HTT: variants seen among roughly 807,000 people sequenced by gnomAD.
HTT encodes the protein huntington disease protein.
Under a neutral mutation model 362.3 loss-of-function variants are expected in HTT, and 104 were observed. The observed-to-expected ratio is 0.29, with a 90% CI of 0.24 to 0.34. HTT has a LOEUF of 0.34. Ranked by LOEUF, HTT falls within the 10% of genes least tolerant of loss-of-function variation. The probability of loss-of-function intolerance (pLI) is 1.00; values close to 1 mark genes in which losing one functional copy is unlikely to be tolerated. For synonymous variants in HTT, 1,577 were observed against 1,548.7 expected, an observed-to-expected ratio of 1.02 and a Z score of -0.43; for missense variants, 3,301 against 3,928.6, an observed-to-expected ratio of 0.84 and a Z score of 4.27.
Position 3,148,033 on chromosome 4 carries a change from A to G in HTT, c.3324A>G (p.Ser1108=). The change falls in exon 26 of 67, where the codon TCA becomes TCG. Residue 1108 remains serine (S), a synonymous_variant. Coordinates refer to ENST00000355072, the MANE Select transcript of HTT (RefSeq NM_001388492.1). The part of the protein sequence containing the change: ...AASAPKSLRS[S]WASEEEANPA... ...GTGCTCCCAAATCTCTGAGAAGTTCATGGGCCTCTGAAGAAGAAGCCAACC... is the reference window on the plus strand; with the variant it reads ...GTGCTCCCAAATCTCTGAGAAGTTCGTGGGCCTCTGAAGAAGAAGCCAACC... The G allele has an allele frequency of 1.9e-6, 3 of 1,613,980 alleles. No homozygotes were observed. The highest frequency in any genetic ancestry group is 2.5e-6 in the Non-Finnish European group (3 of 1,179,924).
chr4:3,131,679 C>G lies in HTT; in HGVS notation c.2140C>G (p.Leu714Val), dbSNP rs762835319. The G allele has an allele frequency of 3.7e-6, 6 of 1,614,022 alleles. No homozygotes were observed. The highest frequency in any genetic ancestry group is 5.1e-6 in the Non-Finnish European group (6 of 1,179,954). ...DRDVRVSVKA[L>V]ALSCVGAAVA... is the part of the protein sequence containing the mutation. Reference sequence around the variant, plus strand: ...GGATGTGAGGGTCAGCGTGAAGGCCCTGGCCCTCAGCTGTGTGGGAGCAGC... The same window carrying G: ...GGATGTGAGGGTCAGCGTGAAGGCCGTGGCCCTCAGCTGTGTGGGAGCAGC... Residue 714 changes from leucine to valine, a missense_variant, in exon 16 of 67, where the codon CTG becomes GTG. This residue lies in a region of HTT where 2,316 missense variants were observed against 2,658.5 expected (regional missense o/e 0.87). Transcript: ENST00000355072.
intron 59 of HTT, among the ~76,000 whole-genome samples, 177 bp from the exon 60 acceptor site, chr4:3,229,710 C>T (rs756069790): frequency 2.0e-5 from 3 of 152,116 alleles, no homozygotes; most frequent in Non-Finnish European, 2.9e-5. Context: ...ACGTGTACCA[C>T]GCACCCACAC....
intron 2 of HTT, among the ~76,000 whole-genome samples, chr4:3,090,608 AT>A (rs1412166822): frequency 6.6e-6 from 1 of 152,230 alleles, no homozygotes; most frequent in East Asian, 1.9e-4. Flanking sequence ...TAAGGAATCG[AT>A]AAATATGCAA....
At chr4:3,169,030 T>TTCTTTCTTTCTTTCTTTC (rs1717845671) in intron 29 of HTT, among the ~76,000 whole-genome samples, 1 of 141,402 alleles carries the variant, frequency 7.1e-6, no homozygotes, top group African/African-American at 3.1e-5. Context: ...TTCTTTTTTT[T>TTCTTTCTTTCTTTCTTTC]TTTTTTGAGA....
At chr4:3,129,820 C>A in intron 12 of HTT, 104 bp from the exon 13 acceptor site, 1 of 1,330,510 alleles carries the variant, frequency 7.5e-7, no homozygotes, top group Non-Finnish European at 1.1e-6. Context: ...CATTTGTGTT[C>A]TGTGTGTAAA....
At chr4:3,207,030 C>A in intron 44 of HTT, 47 bp downstream of exon 44, 1 of 1,537,924 alleles carries the variant, frequency 6.5e-7, no homozygotes, top group Non-Finnish European at 8.8e-7. Context: ...GAAAATTTAG[C>A]AGGCCAAGCA....
At chr4:3,175,391 A>G (rs1168346174) in intron 33 of HTT, among the ~76,000 whole-genome samples, 2 of 152,162 alleles carry the variant, frequency 1.3e-5, no homozygotes, top group Non-Finnish European at 2.9e-5. Flanking sequence ...CCCCTCCAAA[A>G]TAAGTTTGAA....
intron 29 of HTT, among the ~76,000 whole-genome samples, chr4:3,169,910 C>A (rs150862954): frequency 6.6e-6 from 1 of 152,302 alleles, no homozygotes; most frequent in East Asian, 1.9e-4. Flanking sequence ...GTTTTTATCT[C>A]TAGAAGTTTG....
At chr4:3,203,500 A>G (rs1368984867) in intron 41 of HTT, among the ~76,000 whole-genome samples, 1 of 152,248 alleles carries the variant, frequency 6.6e-6, no homozygotes, top group African/African-American at 2.4e-5. Context: ...GTGTAGAGTG[A>G]AATAACCTGT....
At chr4:3,237,216 G>C (rs1721579550) in intron 64 of HTT, among the ~76,000 whole-genome samples, 1 of 152,124 alleles carries the variant, frequency 6.6e-6, no homozygotes. Flanking sequence ...TGGGATTACA[G>C]GCACACACCA....
At chr4:3,226,678 T>C (rs1720934244) in intron 57 of HTT, among the ~76,000 whole-genome samples, 1 of 152,236 alleles carries the variant, frequency 6.6e-6, no homozygotes, top group South Asian at 2.1e-4. Flanking sequence ...CTTTTGTTTC[T>C]GTGGAAATGG....
Position 3,154,360 on chromosome 4 carries a change from A to G in HTT, c.3566A>G (p.Glu1189Gly), listed in dbSNP as rs762754007. 3 of 1,613,830 alleles carry G rather than the reference A, an allele frequency of 1.9e-6. No individual in the cohort carries two copies. Among genetic ancestry groups the G allele is most frequent in the Admixed American group, 3.3e-5 (2 of 59,968 alleles). The change falls in exon 27 of 67, where the codon GAA becomes GGA. Residue 1189 changes from glutamate to glycine, a missense_variant. Transcript: ENST00000355072. ...SPIRRKGKEK[E>G]PGEQASVPLS... ...ATCCGACGAAAGGGGAAGGAGAAAG[A>G]ACCAGGAGAACAAGCATCTGTACCG...
chr4:3,186,648 A>G lies in HTT; in HGVS notation c.4918A>G (p.Ile1640Val), dbSNP rs776784564. ...ALGVLNTLFE[I>V]LAPSSLRPVD... is the part of the protein sequence containing the mutation. ...TGGAGTGTTAAATACATTATTTGAG[A>G]TTTTGGCCCCTTCCTCCCTCCGTCC... Residue 1640 changes from isoleucine to valine, a missense_variant, in exon 38 of 67, where the codon ATT becomes GTT. Ile to Val is a conservative substitution (Grantham distance 29). Transcript: ENST00000355072. 1.4e-5 allele frequency: 22 copies of G among 1,613,310 alleles called. No homozygotes were observed. The highest frequency in any genetic ancestry group is 1.8e-5 in the Non-Finnish European group (21 of 1,179,610).
intron 2 of HTT, among the ~76,000 whole-genome samples, chr4:3,094,522 G>A (rs7669483): frequency 0.017 from 2,600 of 149,662 alleles, 86 homozygotes; most frequent in African/African-American, 0.059. Context: ...CCTCCCAGAC[G>A]GGGCGGCGGC....
At chr4:3,182,878 T>TTTCCTTTCCC (rs1718591475) in intron 37 of HTT, among the ~76,000 whole-genome samples, 1 of 152,158 alleles carries the variant, frequency 6.6e-6, no homozygotes, top group East Asian at 1.9e-4. Flanking sequence ...GCAGTTTTCC[T>TTTCCTTTCCC]TTCCTTTCCC....
intron 55 of HTT, 28 bp from the exon 56 acceptor site, chr4:3,223,964 C>T: frequency 1.2e-6 from 2 of 1,612,346 alleles, no homozygotes; most frequent in Non-Finnish European, 1.7e-6. Context: ...GGAAACAAAA[C>T]ACTCTTTACC....
intron 3 of HTT, among the ~76,000 whole-genome samples, chr4:3,102,248 G>A (rs1398310510): frequency 2.0e-5 from 3 of 152,240 alleles, no homozygotes. Context: ...CGGAAGCAGG[G>A]GCAAGAGGGA....
intron 51 of HTT, among the ~76,000 whole-genome samples, chr4:3,215,939 G>C (rs1219076834): frequency 1.3e-5 from 2 of 152,204 alleles, no homozygotes; most frequent in Non-Finnish European, 2.9e-5. Context: ...GTCTGGTGGG[G>C]AATGGCCCCT....
Position 3,154,400 on chromosome 4 carries a change from A to G in HTT, c.3606A>G (p.Lys1202=). ...CATCTGTACCGTTGAGTCCCAAGAA[A>G]GGCAGTGAGGCCAGTGCAGGTAGGA... is the stretch of plus-strand genomic sequence containing the variant. ...EQASVPLSPK[K]GSEASAASRQ... The change falls in exon 27 of 67, where the codon AAA becomes AAG. Residue 1202 remains lysine, a synonymous_variant. Transcript: ENST00000355072. The G allele has an allele frequency of 6.2e-7, 1 of 1,614,100 alleles. No homozygotes were observed. The highest frequency in any genetic ancestry group is 8.5e-7 in the Non-Finnish European group (1 of 1,179,974).
Sources: gnomAD v4.1 joint callset for allele counts (sites outside exome capture counted in the v4.1 genomes callset) on GRCh38, gnomAD v4.1.1 for gene constraint, gnomAD v4.1.1 regional missense constraint, MANE v1.5 for transcripts, NCBI Gene and HGNC (gene_info 2026-07-23, HGNC 2026-07-21) for gene names.